EFCAB13: variants seen among roughly 807,000 people sequenced by gnomAD.
The protein encoded by EFCAB13 is EF-hand calcium binding domain 13.
Under a neutral mutation model 110.2 loss-of-function variants are expected in EFCAB13, and 91 were observed. The ratio of observed to expected loss-of-function variants is 0.83; its 90% CI spans 0.70 to 0.98. The LOEUF is 0.98. Ranked by LOEUF, EFCAB13 falls within the 50% of genes least tolerant of loss-of-function variation. The pLI, the probability that EFCAB13 is intolerant of heterozygous loss-of-function variation, is 0.00. For synonymous variants in EFCAB13, 323 were observed against 369.9 expected (o/e 0.87, Z 1.45); for missense variants, 968 against 1,119.4 (o/e 0.86, Z 1.93).
Position 47,351,571 on chromosome 17 carries a change from A to G in EFCAB13, c.661+3620A>G, listed in dbSNP as rs556769376. On this transcript the variant is annotated intron_variant, in intron 9 of 24. Transcript: ENST00000331493. ...TTTCATAATGCTCGTTTGGCCATTT[A>G]TATATCTTCTTTTGAAAAATGTCTA... is the stretch of plus-strand genomic sequence containing the variant. 5.9e-5 allele frequency among the ~76,000 whole-genome samples: 9 copies of G among 152,220 alleles called. No individual in the cohort carries two copies. The South Asian group carries it at 1.9e-3, about 32-fold the overall frequency.
At chr17:47,417,179 G>A (rs1904478308) in intron 23 of EFCAB13, among the ~76,000 whole-genome samples, 1 of 152,184 alleles carries the variant, frequency 6.6e-6, no homozygotes, top group East Asian at 1.9e-4. Context: ...TTCATTAAGT[G>A]TAAGTGGATC....
At position 47,367,150 on chromosome 17, in the gene EFCAB13, C is replaced by T. The variant is rs143161028; in HGVS notation, c.806-3287C>T. Among the ~76,000 whole-genome samples, 179 of 152,196 alleles carry T rather than the reference C, an allele frequency of 1.2e-3. 1 individual carries two copies. Among genetic ancestry groups the T allele is most frequent in the Non-Finnish European group, 2.0e-3 (135 of 67,992 alleles). On this transcript the variant is annotated intron_variant, in intron 10 of 24. Coordinates refer to ENST00000331493, the MANE Select transcript of EFCAB13 (RefSeq NM_152347.5). ...TCAAAACCAGAATGAGGATAAATAC[C>T]AAGGAAATAAGAAACCAAAATGTAG...
chr17:47,397,226 C>G (rs2065744710), intron 17 of EFCAB13, among the ~76,000 whole-genome samples: 1 of 152,194 alleles, frequency 6.6e-6, no homozygotes, highest in African/African-American at 2.4e-5. Context: ...GTTGGCCGGG[C>G]TGGTCTCCAG....
intron 9 of EFCAB13, 57 bp from the exon 10 acceptor site, chr17:47,361,321 A>G: frequency 2.5e-6 from 4 of 1,569,726 alleles, no homozygotes; most frequent in Non-Finnish European, 3.5e-6. Context: ...CACAAAATCA[A>G]CTGCTTTTCC....
chr17:47,330,250 T>A (rs1334789841), intron 4 of EFCAB13, among the ~76,000 whole-genome samples: 2 of 152,006 alleles, frequency 1.3e-5, no homozygotes, highest in East Asian at 3.9e-4. Context: ...TTCTTTTTTT[T>A]TAAATATAGG....
chr17:47,399,136 A>T (rs111301257), intron 17 of EFCAB13, among the ~76,000 whole-genome samples: 11 of 152,144 alleles, frequency 7.2e-5, no homozygotes, highest in African/African-American at 2.7e-4. Flanking sequence ...GCTGGTCTCA[A>T]ACTCCTGAGT....
chr17:47,409,731 A>G (rs369163770), intron 21 of EFCAB13, 40 bp downstream of exon 21: 634 of 1,463,266 alleles, frequency 4.3e-4, no homozygotes, highest in Non-Finnish European at 5.6e-4. Context: ...TTTCAATAAT[A>G]AGAGATATTT....
chr17:47,361,818 A>C (rs770701172), intron 10 of EFCAB13, among the ~76,000 whole-genome samples: 3 of 152,172 alleles, frequency 2.0e-5, no homozygotes, highest in Non-Finnish European at 4.4e-5. Context: ...GTGGAGAAGT[A>C]GTTTCTTGTA....
At chr17:47,422,195 AATC>A (rs1336801288) in intron 23 of EFCAB13, among the ~76,000 whole-genome samples, 1 of 152,218 alleles carries the variant, frequency 6.6e-6, no homozygotes, top group South Asian at 2.1e-4. Flanking sequence ...GAGGAAGAAA[AATC>A]ATCTTAATAG....
intron 14 of EFCAB13, among the ~76,000 whole-genome samples, chr17:47,384,017 A>G (rs9894594): frequency 0.64 from 97,182 of 151,844 alleles, 31,546 homozygotes; most frequent in African/African-American, 0.73. Flanking sequence ...GAATCGGGGT[A>G]CTCCTGCATT....
intron 23 of EFCAB13, among the ~76,000 whole-genome samples, chr17:47,415,502 A>G (rs1297443813): frequency 6.6e-6 from 1 of 152,150 alleles, no homozygotes; most frequent in African/African-American, 2.4e-5. Flanking sequence ...ATATAAAAAT[A>G]AGTGAAGAAA....
chr17:47,385,062 C>T (rs114392516), intron 14 of EFCAB13, among the ~76,000 whole-genome samples: 338 of 152,288 alleles, frequency 2.2e-3, no homozygotes, highest in African/African-American at 7.3e-3. Flanking sequence ...TGAGCCACCA[C>T]GCTCAGCCAA....
At chr17:47,350,119 C>G (rs560145064) in intron 9 of EFCAB13, among the ~76,000 whole-genome samples, 76 of 152,030 alleles carry the variant, frequency 5.0e-4, no homozygotes, top group Non-Finnish European at 8.7e-4. Context: ...AAAAAGACTT[C>G]TTCAAAAGTA....
chr17:47,386,444 A>G (rs2065676661), intron 14 of EFCAB13, among the ~76,000 whole-genome samples: 1 of 152,114 alleles, frequency 6.6e-6, no homozygotes, highest in Non-Finnish European at 1.5e-5. Flanking sequence ...TAGCGCTGTC[A>G]GGGGAAAACA....
intron 15 of EFCAB13, among the ~76,000 whole-genome samples, chr17:47,393,170 G>C (rs2065717363): frequency 6.6e-6 from 1 of 152,020 alleles, no homozygotes; most frequent in East Asian, 1.9e-4. Flanking sequence ...TCATCTTCCT[G>C]AGTAGCCGGG....
rs372200963 is a variant in EFCAB13 at position 47,339,517 on chromosome 17, C to T, written c.192-2404C>T. Among the ~76,000 whole-genome samples the T allele has an allele frequency of 2.6e-5, 4 of 152,204 alleles. No individual in the cohort carries two copies. In the East Asian group the frequency reaches 7.7e-4, roughly 29 times the overall value. ...GAATCTAATGCCGCTGCTGATCTGACAGGAGGTGGAGCTCAGGTGGTAATG... is the reference window on the plus strand; with the variant it reads ...GAATCTAATGCCGCTGCTGATCTGATAGGAGGTGGAGCTCAGGTGGTAATG... On this transcript the variant is annotated intron_variant, in intron 5 of 24. Coordinates refer to ENST00000331493, the MANE Select transcript of EFCAB13 (RefSeq NM_152347.5).
intron 17 of EFCAB13, among the ~76,000 whole-genome samples, chr17:47,400,695 C>A (rs116829364): frequency 1.9e-3 from 283 of 151,574 alleles, no homozygotes; most frequent in African/African-American, 6.6e-3. Context: ...CTTCCCTTCC[C>A]TTCCCTTCCC....
intron 9 of EFCAB13, among the ~76,000 whole-genome samples, chr17:47,349,674 T>C (rs1447527589): frequency 1.3e-5 from 2 of 152,004 alleles, no homozygotes; most frequent in Non-Finnish European, 2.9e-5. Flanking sequence ...CTGATGGAGT[T>C]TTTTTCACTT....
intron 2 of EFCAB13, among the ~76,000 whole-genome samples, chr17:47,325,943 TATATATATATATATATATAGC>T (rs1041686314): frequency 9.7e-6 from 1 of 103,198 alleles, no homozygotes; most frequent in East Asian, 3.1e-4. Context: ...TATATATATA[TATATATATATATATATATAGC>T]ATATATATAT....
Sources: allele counts gnomAD v4.1 joint callset (sites outside exome capture counted in the v4.1 genomes callset), GRCh38; gene constraint gnomAD v4.1.1; transcripts MANE v1.5; gene names NCBI Gene and HGNC (gene_info 2026-07-23, HGNC 2026-07-21).